The following CDH12 variants were observed in gnomAD, a reference collection of about 807,000 sequenced individuals.
CDH12 encodes the protein cadherin-12.
A neutral mutation model predicts 74.1 loss-of-function variants in CDH12; 41 were observed. That is an observed-to-expected ratio of 0.55 (90% CI 0.43 to 0.72). The LOEUF is 0.72. Among genes scored for constraint, CDH12 ranks in the 30% least tolerant of loss-of-function variants. The pLI is 0.00. For synonymous variants in CDH12, 399 were observed against 355.0 expected (o/e 1.12, Z -1.39); for missense variants, 945 against 977.2 (o/e 0.97, Z 0.44).
intron 5 of CDH12, among the ~76,000 whole-genome samples, chr5:21,996,995 TG>T (rs1286559286): frequency 3.3e-5 from 5 of 152,180 alleles, no homozygotes; most frequent in Non-Finnish European, 5.9e-5. Flanking sequence ...TGGGATTATT[TG>T]TTTATTAATA....
chr5:22,571,279 A>G (rs1580775729), intron 1 of CDH12, among the ~76,000 whole-genome samples: 1 of 151,618 alleles, frequency 6.6e-6, no homozygotes, highest in South Asian at 2.1e-4. Context: ...CTTTCAGTCT[A>G]TCTCAACTTT....
At chr5:21,997,872 A>C (rs538493619) in intron 5 of CDH12, among the ~76,000 whole-genome samples, 1 of 152,276 alleles carries the variant, frequency 6.6e-6, no homozygotes, top group Non-Finnish European at 1.5e-5. Context: ...TAAAATCTAC[A>C]ATGATTTTAT....
intron 6 of CDH12, among the ~76,000 whole-genome samples, chr5:21,879,503 T>C (rs1053462978): frequency 1.3e-5 from 2 of 152,206 alleles, no homozygotes; most frequent in Non-Finnish European, 2.9e-5. Flanking sequence ...ATGACAAAAG[T>C]TGAATTAACT....
At chr5:22,723,611 A>G (rs1436464475) in intron 1 of CDH12, among the ~76,000 whole-genome samples, 1 of 152,120 alleles carries the variant, frequency 6.6e-6, no homozygotes, top group African/African-American at 2.4e-5. Context: ...TCCTGGCACA[A>G]TCATCATTCT....
chr5:22,533,767 A>G (rs62350358), intron 1 of CDH12, among the ~76,000 whole-genome samples: 1 of 152,194 alleles, frequency 6.6e-6, no homozygotes, highest in Admixed American at 6.5e-5. Context: ...ATAATTCAGT[A>G]ATTTTGAGAA....
intron 1 of CDH12, among the ~76,000 whole-genome samples, chr5:22,816,786 A>G (rs1749416622): frequency 6.6e-6 from 1 of 152,108 alleles, no homozygotes; most frequent in African/African-American, 2.4e-5. Context: ...AGTGGGAGGT[A>G]AATTTCTGTG....
intron 6 of CDH12, among the ~76,000 whole-genome samples, chr5:21,923,440 A>G (rs1448605582): frequency 6.6e-6 from 1 of 151,844 alleles, no homozygotes; most frequent in African/African-American, 2.4e-5. Flanking sequence ...CATATTTACA[A>G]CTCCATCCCT....
At chr5:22,260,420 T>G (rs1164831334) in intron 3 of CDH12, among the ~76,000 whole-genome samples, 1 of 152,076 alleles carries the variant, frequency 6.6e-6, no homozygotes, top group Admixed American at 6.6e-5. Context: ...ATAAAGTAAC[T>G]TCAGTGAACT....
chr5:22,395,159 C>CA (rs1183984063), intron 3 of CDH12, among the ~76,000 whole-genome samples: 1 of 152,030 alleles, frequency 6.6e-6, no homozygotes, highest in Non-Finnish European at 1.5e-5. Context: ...AATCCAATAG[C>CA]AAATGTCATT....
intron 1 of CDH12, among the ~76,000 whole-genome samples, chr5:22,624,930 AC>A (rs1738202323): frequency 1.3e-5 from 2 of 152,328 alleles, no homozygotes; most frequent in African/African-American, 4.8e-5. Context: ...TCAATGATAG[AC>A]TGGATTAAGA....
At chr5:22,792,701 A>G (rs566663239) in intron 1 of CDH12, among the ~76,000 whole-genome samples, 2 of 152,224 alleles carry the variant, frequency 1.3e-5, no homozygotes, top group South Asian at 4.1e-4. Flanking sequence ...GTTCTGAGGA[A>G]TGTGTTCATT....
intron 1 of CDH12, among the ~76,000 whole-genome samples, chr5:22,531,928 G>A (rs531347657): frequency 6.6e-6 from 1 of 152,232 alleles, no homozygotes; most frequent in Admixed American, 6.5e-5. Flanking sequence ...CTGCAACGGA[G>A]AGTCTCTGGA....
At chr5:22,322,380 A>G (rs1738922919) in intron 3 of CDH12, among the ~76,000 whole-genome samples, 1 of 151,514 alleles carries the variant, frequency 6.6e-6, no homozygotes, top group African/African-American at 2.4e-5. Context: ...AAAAAAAAAC[A>G]TGGTAATCTG....
At chr5:22,704,519 G>A (rs1742881537) in intron 1 of CDH12, among the ~76,000 whole-genome samples, 1 of 152,038 alleles carries the variant, frequency 6.6e-6, no homozygotes, top group Non-Finnish European at 1.5e-5. Flanking sequence ...TCACAAGCAA[G>A]AAACTGGGAA....
At chr5:22,472,539 G>A (rs933139240) in intron 2 of CDH12, among the ~76,000 whole-genome samples, 5 of 152,082 alleles carry the variant, frequency 3.3e-5, no homozygotes, top group Admixed American at 6.6e-5. Context: ...TGGATTTCTT[G>A]TAGGAATTTA....
intron 3 of CDH12, among the ~76,000 whole-genome samples, chr5:22,362,347 C>T (rs1209631550): frequency 2.6e-5 from 4 of 152,026 alleles, no homozygotes; most frequent in African/African-American, 9.7e-5. Context: ...TCATCACTGG[C>T]CATCAGAGAA....
intron 1 of CDH12, among the ~76,000 whole-genome samples, chr5:22,771,768 C>T (rs2126311858): frequency 6.6e-6 from 1 of 152,086 alleles, no homozygotes; most frequent in Admixed American, 6.6e-5. Flanking sequence ...CAGAGAATGA[C>T]CAGTTTCTTT....
At chr5:22,182,876 C>G (rs1749720612) in intron 4 of CDH12, among the ~76,000 whole-genome samples, 1 of 151,612 alleles carries the variant, frequency 6.6e-6, no homozygotes, top group South Asian at 2.1e-4. Context: ...CTTATAGTGC[C>G]AATAAGAAGA....
intron 1 of CDH12, among the ~76,000 whole-genome samples, chr5:22,694,097 C>A (rs1276160155): frequency 6.6e-6 from 1 of 151,934 alleles, no homozygotes; most frequent in Non-Finnish European, 1.5e-5. Flanking sequence ...CGCTACCATA[C>A]CCAGCTAATT....
Sources: gnomAD v4.1 joint callset for allele counts (sites outside exome capture counted in the v4.1 genomes callset) on GRCh38, gnomAD v4.1.1 for gene constraint, MANE v1.5 for transcripts, NCBI Gene and HGNC (gene_info 2026-07-23, HGNC 2026-07-21) for gene names.